TMEFF1: variants seen among roughly 807,000 people sequenced by gnomAD.
TMEFF1 encodes the protein tomoregulin-1.
In TMEFF1, 20 loss-of-function variants were observed where a neutral mutation model predicts 47.5. The observed-to-expected ratio is 0.42, with a 90% CI of 0.30 to 0.61. TMEFF1 has a LOEUF of 0.61. Among genes scored for constraint, TMEFF1 ranks in the 20% least tolerant of loss-of-function variants. The probability of loss-of-function intolerance (pLI) is 0.19; values close to 1 mark genes in which losing one functional copy is unlikely to be tolerated. For missense variants in TMEFF1, 411 were observed against 471.1 expected, an observed-to-expected ratio of 0.87 and a Z score of 1.18; for synonymous variants, 162 against 166.3, an observed-to-expected ratio of 0.97 and a Z score of 0.20.
chr9:100,478,777 T>C lies in TMEFF1; in HGVS notation c.196+5037T>C, dbSNP rs60858476. On this transcript the variant is annotated intron_variant, in intron 1 of 9. Transcript: ENST00000374879. ...GGTAACCTTAGACTGACTGACTTTG[T>C]TTTTCATTTGTGAAATGAAGATGAT... Among the ~76,000 whole-genome samples, 996 of 152,340 alleles carry C rather than the reference T, an allele frequency of 6.5e-3. 10 individuals carry two copies. The highest frequency in any genetic ancestry group is 0.023 in the African/African-American group (959 of 41,568).
chr9:100,515,540 C>A (rs895085237), intron 4 of TMEFF1, among the ~76,000 whole-genome samples: 3 of 152,096 alleles, frequency 2.0e-5, no homozygotes, highest in Non-Finnish European at 2.9e-5. Context: ...GTAATCCCAG[C>A]GTTTTGGGAG....
chr9:100,495,918 C>T (rs1310834175), intron 1 of TMEFF1, among the ~76,000 whole-genome samples: 2 of 152,176 alleles, frequency 1.3e-5, no homozygotes, highest in African/African-American at 2.4e-5. Flanking sequence ...TGCAGTTGCA[C>T]GTTGGTACCT....
intron 5 of TMEFF1, 140 bp downstream of exon 5, chr9:100,516,911 G>T: frequency 1.1e-6 from 1 of 950,384 alleles, no homozygotes; most frequent in Non-Finnish European, 1.5e-6. Flanking sequence ...CTAGTCTATT[G>T]ACTTTTAAAT....
intron 1 of TMEFF1, among the ~76,000 whole-genome samples, chr9:100,484,835 G>A (rs1313718638): frequency 2.0e-5 from 3 of 151,286 alleles, no homozygotes; most frequent in South Asian, 4.2e-4. Context: ...CTGTCACTGC[G>A]CCTGGCTAAT....
chr9:100,539,711 C>T (rs546625776), intron 5 of TMEFF1, among the ~76,000 whole-genome samples: 50 of 152,264 alleles, frequency 3.3e-4, no homozygotes, highest in African/African-American at 1.2e-3. Context: ...ACAAAGCTTC[C>T]ACAGCGTGGA....
At chr9:100,568,084 T>G (rs777251258) in intron 8 of TMEFF1, among the ~76,000 whole-genome samples, 1 of 152,100 alleles carries the variant, frequency 6.6e-6, no homozygotes, top group African/African-American at 2.4e-5. Context: ...ATGGGAGTTG[T>G]GGGAGTTACT....
chr9:100,568,563 C>T (rs765403786), intron 8 of TMEFF1, among the ~76,000 whole-genome samples: 4 of 150,346 alleles, frequency 2.7e-5, no homozygotes, highest in Non-Finnish European at 5.9e-5. Context: ...TTTGTGTCAA[C>T]TGTCCTCCCT....
chr9:100,529,648 C>T (rs1397643567), intron 5 of TMEFF1, among the ~76,000 whole-genome samples: 3 of 152,052 alleles, frequency 2.0e-5, no homozygotes, highest in Non-Finnish European at 4.4e-5. Flanking sequence ...TAATGGGAGA[C>T]TTTTAACACC....
chr9:100,565,338 C>T (rs1429031937), intron 8 of TMEFF1, among the ~76,000 whole-genome samples: 3 of 152,116 alleles, frequency 2.0e-5, no homozygotes, highest in Non-Finnish European at 4.4e-5. Flanking sequence ...ATTGTAGTTC[C>T]CTTTGCATTT....
intron 3 of TMEFF1, among the ~76,000 whole-genome samples, chr9:100,511,008 G>T (rs948862512): frequency 8.5e-5 from 13 of 152,120 alleles, no homozygotes; most frequent in African/African-American, 2.9e-4. Flanking sequence ...CTTCTATCAG[G>T]TATGACGTAG....
chr9:100,537,114 G>A (rs1159953520), intron 5 of TMEFF1, among the ~76,000 whole-genome samples: 1 of 152,176 alleles, frequency 6.6e-6, no homozygotes, highest in African/African-American at 2.4e-5. Context: ...GACATGTTTT[G>A]CAGGCCATAC....
At chr9:100,567,541 C>T (rs1839147370) in intron 8 of TMEFF1, among the ~76,000 whole-genome samples, 1 of 152,130 alleles carries the variant, frequency 6.6e-6, no homozygotes, top group Admixed American at 6.5e-5. Flanking sequence ...TTTATCTGTT[C>T]TGTTCACTGA....
intron 5 of TMEFF1, among the ~76,000 whole-genome samples, chr9:100,546,632 A>G (rs746265369): frequency 2.6e-5 from 4 of 152,312 alleles, no homozygotes; most frequent in Non-Finnish European, 4.4e-5. Flanking sequence ...GTGCCTGTGT[A>G]CTTATAACTT....
In TMEFF1 at chr9:100,516,708, A is replaced by G. The variant is rs752202579; in HGVS notation, c.497A>G (p.Lys166Arg). Residue 166 changes from lysine (K) to arginine (R), a missense_variant, in exon 5 of 10, where the codon AAA becomes AGA. By Grantham distance (26) the Lys-to-Arg change is conservative (BLOSUM62 2). Transcript: ENST00000374879. ...GGGTCAGGGGCAGAAGTTCACAGAA[A>G]ACACTCCAAGTGTGGACCCTGCAAA... The part of the protein sequence containing the change: ...EEGSGAEVHR[K>R]HSKCGPCKYK... The G allele has an allele frequency of 1.2e-5, 19 of 1,613,766 alleles. No individual in the cohort carries two copies. The South Asian group carries it at 1.8e-4, about 15-fold the overall frequency.
At chr9:100,544,858 A>G (rs1446420984) in intron 5 of TMEFF1, among the ~76,000 whole-genome samples, 4 of 152,240 alleles carry the variant, frequency 2.6e-5, no homozygotes, top group African/African-American at 7.2e-5. Context: ...CAAAGGGGCT[A>G]TAGGCCCCAT....
intron 1 of TMEFF1, among the ~76,000 whole-genome samples, chr9:100,493,676 C>T (rs1374570843): frequency 6.6e-6 from 1 of 152,070 alleles, no homozygotes; most frequent in Non-Finnish European, 1.5e-5. Context: ...TTTTTGAGGG[C>T]CTTAGTAATG....
chr9:100,555,234 AGTT>A (rs745503397), intron 7 of TMEFF1, among the ~76,000 whole-genome samples: 5 of 152,082 alleles, frequency 3.3e-5, no homozygotes, highest in African/African-American at 7.2e-5. Flanking sequence ...TAGCAGTTGC[AGTT>A]GTTGTTCTTG....
intron 5 of TMEFF1, among the ~76,000 whole-genome samples, chr9:100,530,006 C>T (rs1286784292): frequency 2.6e-5 from 4 of 151,706 alleles, no homozygotes; most frequent in South Asian, 2.1e-4. Context: ...GGGTACATAA[C>T]GAAATGAAGG....
intron 1 of TMEFF1, among the ~76,000 whole-genome samples, chr9:100,483,500 A>C (rs201301629): frequency 4.0e-5 from 6 of 150,492 alleles, no homozygotes; most frequent in Middle Eastern, 3.2e-3. Flanking sequence ...AACATCTCAA[A>C]AAACAAACAA....
Sources: gnomAD v4.1 joint callset for allele counts (sites outside exome capture counted in the v4.1 genomes callset) on GRCh38, gnomAD v4.1.1 for gene constraint, MANE v1.5 for transcripts, NCBI Gene and HGNC (gene_info 2026-07-23, HGNC 2026-07-21) for gene names.